The following PITPNM3 variants were observed in gnomAD, a reference collection of about 807,000 sequenced individuals.
PITPNM3 encodes PITPNM family member 3.
In PITPNM3, 26 loss-of-function variants were observed where a neutral mutation model predicts 102.0. That is an observed-to-expected ratio of 0.25 (90% CI 0.19 to 0.35). The LOEUF is 0.35. PITPNM3 is among the 10% of genes least tolerant of loss of function. The pLI, the probability that PITPNM3 is intolerant of heterozygous loss-of-function variation, is 1.00. For missense variants in PITPNM3, 1,083 were observed against 1,346.1 expected (o/e 0.80, Z 3.06); for synonymous variants, 578 against 558.6 (o/e 1.03, Z -0.49).
rs1913823393 is a variant in PITPNM3 at position 6,451,349 on chromosome 17, T to C, written c.*3989A>G. 6.6e-6 allele frequency: 1 copy of C among 152,246 alleles called. No individual in the cohort carries two copies. Among genetic ancestry groups the C allele is most frequent in the African/African-American group, 2.4e-5 (1 of 41,458 alleles). The allele number at this position is 152,246 out of a possible 1,614,324, so 9.4% of individuals were successfully genotyped here. On this transcript the variant is annotated 3_prime_UTR_variant, in exon 20 of 20. Coordinates refer to ENST00000262483, the MANE Select transcript of PITPNM3 (RefSeq NM_031220.4). ...CAAAATCAAGACCCAGTTGTAAAAA[T>C]CTTTTAACTCCATAATGCTGTTTTT... is the stretch of plus-strand genomic sequence containing the variant.
intron 3 of PITPNM3, among the ~76,000 whole-genome samples, chr17:6,508,682 C>T (rs1029017364): frequency 2.6e-5 from 4 of 152,164 alleles, no homozygotes; most frequent in South Asian, 2.1e-4. Context: ...GTGTTTGCCT[C>T]GGGCTTCGTC....
rs964599521 is a variant in PITPNM3, at chr17:6,457,958, G to A, written c.2491-236C>T. Among the ~76,000 whole-genome samples the A allele has an allele frequency of 3.9e-4, 58 of 149,500 alleles. No individual in the cohort carries two copies. Among genetic ancestry groups the A allele is most frequent in the Admixed American group, 2.4e-3 (36 of 15,098 alleles). On this transcript the variant is annotated intron_variant, in intron 18 of 19. Transcript: ENST00000262483. The surrounding 1 kb of genome is among the most constrained non-coding windows in gnomAD (Gnocchi z 4.7). ...AACAGTCGTGACCACACCATTTACC[G>A]GCCCCGCCTCCAACAGCAGTACACT...
intron 2 of PITPNM3, among the ~76,000 whole-genome samples, chr17:6,528,802 AAC>A (rs35605575): frequency 0.33 from 49,883 of 150,168 alleles, 8,400 homozygotes; most frequent in Admixed American, 0.37. Flanking sequence ...AAGCAACAAG[AAC>A]ACACACACAC....
In PITPNM3 at chr17:6,551,702, C is replaced by G. The variant is rs189196910; in HGVS notation, c.22+4683G>C. Among the ~76,000 whole-genome samples the G allele has an allele frequency of 4.2e-3, 636 of 152,078 alleles. 3 individuals carry two copies. The highest frequency in any genetic ancestry group is 0.014 in the Middle Eastern group (4 of 292). On this transcript the variant is annotated intron_variant, in intron 1 of 19. Transcript: ENST00000262483. The stretch of plus-strand genomic sequence containing the variant: ...ACCAGCCTGGGCAACGTAATGAGAC[C>G]CCCATCGTTATGAAAAAAAAAGTAT...
chr17:6,497,646 C>T (rs768735999), intron 4 of PITPNM3, among the ~76,000 whole-genome samples: 10 of 152,216 alleles, frequency 6.6e-5, no homozygotes, highest in Non-Finnish European at 1.3e-4. Context: ...GAAGACCCTC[C>T]CCGCACGTGG....
chr17:6,466,847 C>T (rs748347135), intron 14 of PITPNM3, among the ~76,000 whole-genome samples: 6 of 151,998 alleles, frequency 3.9e-5, no homozygotes, highest in Non-Finnish European at 8.8e-5. Flanking sequence ...GGTGAAAACA[C>T]CAGCCTGGCC....
Position 6,458,233 on chromosome 17 carries a change from C to T in PITPNM3, c.2491-511G>A, listed in dbSNP as rs1416766760. Among the ~76,000 whole-genome samples the T allele has an allele frequency of 2.0e-5, 3 of 152,078 alleles. No homozygotes were observed. Among genetic ancestry groups the T allele is most frequent in the East Asian group, 3.9e-4 (2 of 5,170 alleles). ...GAACTGCACAAGGTCCGTCTTGCTC[C>T]AGGGGCACTTCCAGACCATCACCCT... is the stretch of plus-strand genomic sequence containing the variant. On this transcript the variant is annotated intron_variant, in intron 18 of 19. Coordinates refer to ENST00000262483, the MANE Select transcript of PITPNM3 (RefSeq NM_031220.4). This position sits in a 1 kb window ranked among gnomAD's most constrained non-coding sequence, Gnocchi z 5.1.
intron 1 of PITPNM3, among the ~76,000 whole-genome samples, chr17:6,549,446 T>C (rs995576367): frequency 1.3e-5 from 2 of 152,202 alleles, no homozygotes; most frequent in African/African-American, 4.8e-5. Context: ...GCAGGTTGGC[T>C]GTGTGGGGCC....
chr17:6,527,265 A>G (rs1294791144), intron 2 of PITPNM3, among the ~76,000 whole-genome samples: 4 of 152,234 alleles, frequency 2.6e-5, no homozygotes, highest in African/African-American at 7.2e-5. Flanking sequence ...TAAGAGCTCA[A>G]TTCTCATGTT....
At chr17:6,475,909 A>G (rs899611571) in intron 9 of PITPNM3, among the ~76,000 whole-genome samples, 64 of 152,232 alleles carry the variant, frequency 4.2e-4, no homozygotes, top group African/African-American at 1.5e-3. Context: ...TTAAATGTGC[A>G]GAGTCTTTGA....
chr17:6,525,527 G>A, intron 2 of PITPNM3, 64 bp from the exon 3 acceptor site: 1 of 1,213,804 alleles, frequency 8.2e-7, no homozygotes, highest in South Asian at 1.2e-5. Context: ...CCTATCAGGA[G>A]CTTATGTCTG....
chr17:6,470,830 C>A lies in PITPNM3; in HGVS notation c.1624+331G>T, dbSNP rs1355845302. On this transcript the variant is annotated intron_variant, in intron 12 of 19. Transcript: ENST00000262483. This position sits in a 1 kb window ranked among gnomAD's most constrained non-coding sequence, Gnocchi z 4.8. ...CTCTGTTTGAGGTCAAAGCTCAGAC[C>A]CTGTCAGGGATCAGGGGTCACTGCT... Among the ~76,000 whole-genome samples, 1 of 152,042 alleles carries A rather than the reference C, an allele frequency of 6.6e-6. No homozygotes were observed. Among genetic ancestry groups the A allele is most frequent in the Non-Finnish European group, 1.5e-5 (1 of 67,998 alleles).
chr17:6,542,631 A>G (rs1202155914), intron 1 of PITPNM3, among the ~76,000 whole-genome samples: 1 of 152,190 alleles, frequency 6.6e-6, no homozygotes, highest in Non-Finnish European at 1.5e-5. Flanking sequence ...GAGCATCATA[A>G]TACTTACCCC....
intron 14 of PITPNM3, among the ~76,000 whole-genome samples, chr17:6,465,294 C>T (rs749972024): frequency 6.6e-6 from 1 of 152,200 alleles, no homozygotes; most frequent in Non-Finnish European, 1.5e-5. Flanking sequence ...GATCTGCCTA[C>T]CTCGGACTCC....
chr17:6,491,349 T>C (rs1187785768), intron 4 of PITPNM3, among the ~76,000 whole-genome samples: 26 of 150,354 alleles, frequency 1.7e-4, no homozygotes, highest in Non-Finnish European at 1.5e-4. Context: ...GGCTCATGAA[T>C]GGGAACCTGC....
At chr17:6,539,207 C>T (rs1031303203) in intron 1 of PITPNM3, among the ~76,000 whole-genome samples, 2 of 148,680 alleles carry the variant, frequency 1.3e-5, no homozygotes, top group South Asian at 4.2e-4. Context: ...AGCTTCTGAT[C>T]CCCTGTCTCT....
rs370333465 is a variant in PITPNM3, at chr17:6,455,613, C to T, written c.2650G>A (p.Ala884Thr). 23 of 1,578,106 alleles carry T rather than the reference C, an allele frequency of 1.5e-5. No individual in the cohort carries two copies. Among genetic ancestry groups the T allele is most frequent in the Non-Finnish European group, 1.9e-5 (22 of 1,172,666 alleles). The part of the protein sequence containing the change: ...FLSEGYAAHL[A>T]ALEASHRSRP... ...GAGCGGTGGCTGGCCTCCAGCGCGG[C>T]CAGGTGTGCGGCGTAGCCCTCGCTC... Residue 884 changes from alanine (A) to threonine (T), a missense_variant, in exon 20 of 20, where the codon GCC (alanine) becomes ACC (threonine). This residue lies in a region of PITPNM3 where 208 missense variants were observed against 178.2 expected (regional missense o/e 1.17). Coordinates refer to ENST00000262483, the MANE Select transcript of PITPNM3 (RefSeq NM_031220.4).
At chr17:6,504,190 C>T (rs1004048506) in intron 3 of PITPNM3, among the ~76,000 whole-genome samples, 17 of 152,174 alleles carry the variant, frequency 1.1e-4, no homozygotes, top group African/African-American at 4.1e-4. Flanking sequence ...CCCCAAGGGA[C>T]TCGAGAATCC....
intron 2 of PITPNM3, among the ~76,000 whole-genome samples, chr17:6,536,249 A>T (rs1374676657): frequency 6.6e-6 from 1 of 152,182 alleles, no homozygotes; most frequent in African/African-American, 2.4e-5. Context: ...GAAGCACTGC[A>T]GCTGCTCTCA....
Sources: allele counts gnomAD v4.1 joint callset (sites outside exome capture counted in the v4.1 genomes callset), GRCh38; gene constraint gnomAD v4.1.1; regional missense constraint gnomAD v4.1.1; non-coding constraint Gnocchi (gnomAD v3.1); transcripts MANE v1.5; gene names NCBI Gene and HGNC (gene_info 2026-07-23, HGNC 2026-07-21).